Variants in SDHB observed in about 807,000 individuals in gnomAD.
SDHB encodes the protein succinate dehydrogenase complex iron sulfur subunit B, also known as succinate dehydrogenase [ubiquinone] iron-sulfur subunit, mitochondrial.
A neutral mutation model predicts 39.7 loss-of-function variants in SDHB; 21 were observed. That is an observed-to-expected ratio of 0.53 (90% CI 0.37 to 0.76). The LOEUF (loss-of-function observed/expected upper bound fraction) is 0.76, where lower values mean the gene tolerates loss of function less well. Ranked by LOEUF, SDHB falls within the 30% of genes least tolerant of loss-of-function variation. The probability of loss-of-function intolerance (pLI) is 0.00; values close to 1 mark genes in which losing one functional copy is unlikely to be tolerated. For synonymous variants in SDHB, 118 were observed against 117.0 expected, an observed-to-expected ratio of 1.01 and a Z score of -0.06; for missense variants, 343 against 350.9, an observed-to-expected ratio of 0.98 and a Z score of 0.18.
chr1:17,046,496 G>T (rs1457132793), intron 1 of SDHB, among the ~76,000 whole-genome samples: 1 of 151,994 alleles, frequency 6.6e-6, no homozygotes, highest in Admixed American at 6.6e-5. Flanking sequence ...CATCCAAAAA[G>T]GTCTTTTGTG....
At chr1:17,031,739 T>A (rs2078024641) in intron 3 of SDHB, among the ~76,000 whole-genome samples, 1 of 152,178 alleles carries the variant, frequency 6.6e-6, no homozygotes, top group African/African-American at 2.4e-5. Flanking sequence ...CCTTTTTTTT[T>A]AAGGTTTTCT....
At chr1:17,038,371 T>C (rs12127019) in intron 2 of SDHB, among the ~76,000 whole-genome samples, 59 of 152,354 alleles carry the variant, frequency 3.9e-4, no homozygotes, top group East Asian at 1.2e-3. Flanking sequence ...TCTGTAGCCA[T>C]TGAAATACAC....
Position 17,053,700 on chromosome 1 carries a change from TCC to T in SDHB, c.72+246_72+247del, listed in dbSNP as rs35029966. Among the ~76,000 whole-genome samples the T allele has an allele frequency of 0.015, 1,746 of 118,366 alleles. 33 individuals are homozygous for T. The highest frequency in any genetic ancestry group is 0.052 in the African/African-American group (1,663 of 32,268). The allele number at this position is 118,366 out of a possible 152,430, so 77.7% of individuals were successfully genotyped here. A position where few individuals can be genotyped will look rare whatever the true frequency, so the allele number is the denominator to read the frequency against. On this transcript the variant is annotated intron_variant, in intron 1 of 7. Transcript: ENST00000375499. ...GCAATTCAAGTCCCCTTTCTGAACG[TCC>T]CCCCCCCCCGCACCCTTAGCTGTAA...
chr1:17,039,910 G>A (rs966650575), intron 2 of SDHB, among the ~76,000 whole-genome samples: 1 of 151,962 alleles, frequency 6.6e-6, no homozygotes, highest in Non-Finnish European at 1.5e-5. Flanking sequence ...TATGTCCAGC[G>A]CTCTTCATTC....
Position 17,027,857 on chromosome 1 carries a change from G to A in SDHB, c.432C>T (p.Ser144=). Residue 144 remains serine, a synonymous_variant, in exon 5 of 8, where the codon AGC becomes AGT. Transcript: ENST00000375499. The part of the protein sequence containing the change: ...YVIKDLVPDL[S]NFYAQYKSIE... Reference sequence around the variant, plus strand: ...TGGATTTGTACTGTGCATAGAAGTTGCTCAAATCCTGTGGTTAAGAGGAAG... The same window carrying A: ...TGGATTTGTACTGTGCATAGAAGTTACTCAAATCCTGTGGTTAAGAGGAAG... 1 of 1,592,008 alleles carries A rather than the reference G, an allele frequency of 6.3e-7. No homozygotes were observed. The highest frequency in any genetic ancestry group is 8.6e-7 in the Non-Finnish European group (1 of 1,160,104).
chr1:17,021,949 A>G lies in SDHB; in HGVS notation c.765+659T>C, dbSNP rs11203281. ...AACAGACTGAGACAGAACCTGGCCA[A>G]AGGGCAGCCGGTCTGTAGCCAGCTG... On this transcript the variant is annotated intron_variant, in intron 7 of 7. Coordinates refer to ENST00000375499, the MANE Select transcript of SDHB (RefSeq NM_003000.3). Among the ~76,000 whole-genome samples, 601 of 152,348 alleles carry G rather than the reference A, an allele frequency of 3.9e-3. 7 individuals are homozygous for G. The highest frequency in any genetic ancestry group is 0.014 in the African/African-American group (575 of 41,576).
intron 2 of SDHB, among the ~76,000 whole-genome samples, chr1:17,043,364 T>G (rs980800725): frequency 5.3e-5 from 8 of 152,224 alleles, no homozygotes; most frequent in Non-Finnish European, 1.0e-4. Context: ...TTTTGGTTGC[T>G]GAGTATTTGA....
Position 17,028,554 on chromosome 1 carries a change from C to G in SDHB, c.423+46G>C, listed in dbSNP as rs1465971611. 2 of 1,603,442 alleles carry G rather than the reference C, an allele frequency of 1.2e-6. No homozygotes were observed. The highest frequency in any genetic ancestry group is 8.5e-7 in the Non-Finnish European group (1 of 1,171,290). ...TAATAGCGTAACACACATAGCACTG[C>G]CCCCCATGCAAATAAAAACAAAACC... On this transcript the variant is annotated intron_variant, in intron 4 of 7. Transcript: ENST00000375499.
At chr1:17,043,488 C>CT (rs373341504) in intron 2 of SDHB, among the ~76,000 whole-genome samples, 34 of 152,000 alleles carry the variant, frequency 2.2e-4, no homozygotes, top group African/African-American at 7.0e-4. Context: ...GGTATTCAAA[C>CT]TTTTTTTTGG....
intron 3 of SDHB, among the ~76,000 whole-genome samples, chr1:17,029,882 T>C (rs2078013378): frequency 6.6e-6 from 1 of 152,186 alleles, no homozygotes; most frequent in Non-Finnish European, 1.5e-5. Context: ...TACAGGCACA[T>C]GCCGCCATGT....
intron 1 of SDHB, among the ~76,000 whole-genome samples, chr1:17,053,368 G>A (rs1044556675): frequency 6.6e-6 from 1 of 152,242 alleles, no homozygotes; most frequent in African/African-American, 2.4e-5. Context: ...AAGGAACCCA[G>A]TCTTTCCTGC....
At chr1:17,052,657 G>A (rs1183552973) in intron 1 of SDHB, among the ~76,000 whole-genome samples, 1 of 152,180 alleles carries the variant, frequency 6.6e-6, no homozygotes, top group Non-Finnish European at 1.5e-5. Context: ...TGAGGCTCTG[G>A]TAGGCTGTCT....
chr1:17,035,205 A>G (rs2078044449), intron 2 of SDHB, among the ~76,000 whole-genome samples: 1 of 152,184 alleles, frequency 6.6e-6, no homozygotes, highest in Non-Finnish European at 1.5e-5. Context: ...AAAGGTGGCT[A>G]TTCTTTCTTT....
At chr1:17,053,110 T>C (rs1015271252) in intron 1 of SDHB, among the ~76,000 whole-genome samples, 7 of 152,148 alleles carry the variant, frequency 4.6e-5, no homozygotes, top group Non-Finnish European at 8.8e-5. Flanking sequence ...CCCTTATGTA[T>C]ACAAAAGCAA....
At chr1:17,022,807 G>A in intron 6 of SDHB, 77 bp from the exon 7 acceptor site, 1 of 1,541,550 alleles carries the variant, frequency 6.5e-7, no homozygotes, top group Non-Finnish European at 8.8e-7. Context: ...CAAAGCTCTG[G>A]GAGTGCAGAG....
intron 5 of SDHB, among the ~76,000 whole-genome samples, chr1:17,026,286 T>A (rs2077990549): frequency 6.6e-6 from 1 of 152,226 alleles, no homozygotes; most frequent in Non-Finnish European, 1.5e-5. Context: ...AGGCTTACTC[T>A]GACTTGCAGG....
chr1:17,053,992 T>C lies in SDHB; in HGVS notation c.28A>G (p.Arg10Gly), dbSNP rs2101551815. 2 of 1,612,802 alleles carry C rather than the reference T, an allele frequency of 1.2e-6. No individual in the cohort carries two copies. Among genetic ancestry groups the C allele is most frequent in the Non-Finnish European group, 1.7e-6 (2 of 1,179,546 alleles). MAAVVALSL[R>G]RRLPATTLGG... ...AGGGTTGTGGCCGGCAACCGGCGCC[T>C]CAAGGAGAGGGCGACCACCGCCGCC... Residue 10 changes from arginine (R) to glycine (G), a missense_variant, in exon 1 of 8, where the codon AGG becomes GGG. By Grantham distance (125) the Arg-to-Gly change is moderately radical. Transcript: ENST00000375499.
intron 1 of SDHB, among the ~76,000 whole-genome samples, chr1:17,045,392 T>C (rs756154213): frequency 1.6e-4 from 25 of 151,962 alleles, no homozygotes; most frequent in East Asian, 7.7e-4. Context: ...AGTGAGAGAA[T>C]TGCTTGAGCC....
chr1:17,021,259 T>G (rs2077960623), intron 7 of SDHB, among the ~76,000 whole-genome samples: 1 of 152,242 alleles, frequency 6.6e-6, no homozygotes, highest in Admixed American at 6.5e-5. Context: ...GGATTGCCAT[T>G]ATCATAGGAG....
Sources: allele counts gnomAD v4.1 joint callset (sites outside exome capture counted in the v4.1 genomes callset), GRCh38; gene constraint gnomAD v4.1.1; transcripts MANE v1.5; gene names NCBI Gene and HGNC (gene_info 2026-07-23, HGNC 2026-07-21).